Variants in WRN observed in about 807,000 individuals in gnomAD.
WRN encodes the protein bifunctional 3'-5' exonuclease/ATP-dependent helicase WRN.
WRN carries 149 observed loss-of-function variants against 180.7 expected under a neutral mutation model. That is an observed-to-expected ratio of 0.82 (90% CI 0.72 to 0.94). WRN has a LOEUF of 0.94. Ranked by LOEUF, WRN falls within the 40% of genes least tolerant of loss-of-function variation. The pLI is 0.00. For synonymous variants in WRN, 548 were observed against 568.9 expected (o/e 0.96, Z 0.52); for missense variants, 1,661 against 1,700.1 (o/e 0.98, Z 0.40).
chr8:31,172,368 G>A (rs562161036), intron 34 of WRN, among the ~76,000 whole-genome samples: 38 of 152,258 alleles, frequency 2.5e-4, no homozygotes, highest in African/African-American at 7.9e-4. Context: ...TGGCACGTGA[G>A]CTGCTGAAAT....
rs2130480787 is a variant in WRN at position 31,157,442 on chromosome 8, C to T, written c.3894C>T (p.Gly1298=). 1.9e-6 allele frequency: 3 copies of T among 1,614,148 alleles called. No individual in the cohort carries two copies. The highest frequency in any genetic ancestry group is 2.5e-6 in the Non-Finnish European group (3 of 1,180,028). ...GMHLSQAVKA[G]CPLDLERAGL... Reference sequence around the variant, plus strand: ...ACTTATCCCAAGCGGTGAAAGCTGGCTGCCCCCTTGATTTGGAGCGAGCAG... The same window carrying T: ...ACTTATCCCAAGCGGTGAAAGCTGGTTGCCCCCTTGATTTGGAGCGAGCAG... The change falls in exon 33 of 35, where the codon GGC becomes GGT. Residue 1298 remains glycine (G), a synonymous_variant. Coordinates refer to ENST00000298139, the MANE Select transcript of WRN (RefSeq NM_000553.6).
At chr8:31,145,255 A>G (rs1317547953) in intron 28 of WRN, among the ~76,000 whole-genome samples, 1 of 152,238 alleles carries the variant, frequency 6.6e-6, no homozygotes, top group African/African-American at 2.4e-5. Flanking sequence ...CCTGGCTTCA[A>G]AGCTTCAAAG....
intron 19 of WRN, among the ~76,000 whole-genome samples, chr8:31,115,917 T>G (rs1801499873): frequency 1.3e-5 from 2 of 152,328 alleles, no homozygotes; most frequent in Middle Eastern, 3.4e-3. Flanking sequence ...AGTAAACATT[T>G]AGAAACTCAG....
chr8:31,052,765 G>A (rs150873202), intron 1 of WRN, among the ~76,000 whole-genome samples: 1 of 152,176 alleles, frequency 6.6e-6, no homozygotes, highest in African/African-American at 2.4e-5. Context: ...TTTTATGGAT[G>A]TACCATACTT....
intron 1 of WRN, among the ~76,000 whole-genome samples, chr8:31,053,917 A>G (rs978065923): frequency 6.6e-6 from 1 of 152,250 alleles, no homozygotes; most frequent in East Asian, 1.9e-4. Flanking sequence ...TTAAATCATC[A>G]GAATAAATTA....
chr8:31,039,527 A>G (rs943497670), intron 1 of WRN, among the ~76,000 whole-genome samples: 5 of 152,114 alleles, frequency 3.3e-5, no homozygotes, highest in African/African-American at 1.2e-4. Flanking sequence ...CCTTTCCATT[A>G]TGGATGCCTT....
At chr8:31,085,798 G>A (rs1159749834) in intron 11 of WRN, among the ~76,000 whole-genome samples, 1 of 151,830 alleles carries the variant, frequency 6.6e-6, no homozygotes, top group Non-Finnish European at 1.5e-5. Flanking sequence ...TTACTTTCTT[G>A]TAATTTTTTC....
At chr8:31,137,484 A>C (rs1373266172) in intron 24 of WRN, among the ~76,000 whole-genome samples, 1 of 152,122 alleles carries the variant, frequency 6.6e-6, no homozygotes, top group Non-Finnish European at 1.5e-5. Flanking sequence ...CAAGTGTTCC[A>C]GGGAAGGAAA....
At chr8:31,104,910 G>A (rs986521141) in intron 18 of WRN, among the ~76,000 whole-genome samples, 3 of 152,188 alleles carry the variant, frequency 2.0e-5, no homozygotes, top group African/African-American at 7.2e-5. Flanking sequence ...AGGCAATGGT[G>A]CCTTCTGAGC....
At chr8:31,036,010 C>G (rs61026930) in intron 1 of WRN, among the ~76,000 whole-genome samples, 1 of 152,180 alleles carries the variant, frequency 6.6e-6, no homozygotes, top group Admixed American at 6.5e-5. Flanking sequence ...AGCCTCTCTT[C>G]ATTCCCACCA....
intron 19 of WRN, among the ~76,000 whole-genome samples, chr8:31,113,047 A>G (rs1216774938): frequency 6.6e-6 from 1 of 151,800 alleles, no homozygotes; most frequent in Non-Finnish European, 1.5e-5. Context: ...CTCTACAAAA[A>G]ATACAAAAAT....
At chr8:31,150,837 G>A (rs1022547084) in intron 31 of WRN, among the ~76,000 whole-genome samples, 2 of 152,200 alleles carry the variant, frequency 1.3e-5, no homozygotes, top group African/African-American at 4.8e-5. Context: ...TTTTGGTTTA[G>A]CATCTTCTCT....
chr8:31,085,380 A>G (rs866753782), intron 11 of WRN, 134 bp downstream of exon 11: 13 of 967,874 alleles, frequency 1.3e-5, no homozygotes, highest in Middle Eastern at 3.1e-4. Flanking sequence ...TAGATTTCAC[A>G]TTTTCCAATT....
At chr8:31,103,016 T>G (rs897441994) in intron 18 of WRN, among the ~76,000 whole-genome samples, 3 of 152,178 alleles carry the variant, frequency 2.0e-5, no homozygotes, top group Admixed American at 2.0e-4. Flanking sequence ...ATTATTTTTA[T>G]TTTTAAAACT....
At chr8:31,047,213 G>A (rs887751559) in intron 1 of WRN, among the ~76,000 whole-genome samples, 4 of 150,680 alleles carry the variant, frequency 2.7e-5, no homozygotes, top group African/African-American at 4.9e-5. Context: ...CAAGATCGTG[G>A]CTCACTGCAA....
Position 31,056,752 on chromosome 8 carries a change from A to T in WRN, c.-76-1620A>T, listed in dbSNP as rs75518994. Among the ~76,000 whole-genome samples the T allele has an allele frequency of 7.4e-3, 1,124 of 152,292 alleles. 16 individuals are homozygous for T. The highest frequency in any genetic ancestry group is 0.026 in the African/African-American group (1,083 of 41,552). On this transcript the variant is annotated intron_variant, in intron 1 of 34. Coordinates refer to ENST00000298139, the MANE Select transcript of WRN (RefSeq NM_000553.6). Reference sequence around the variant, plus strand: ...TCCTGTATTATTAATTATGTGGTTTATTTGACTACCCCACATTTTCAAGCA... The same window carrying T: ...TCCTGTATTATTAATTATGTGGTTTTTTTGACTACCCCACATTTTCAAGCA...
intron 34 of WRN, 102 bp downstream of exon 34, chr8:31,167,332 A>G: frequency 1.0e-6 from 1 of 957,496 alleles, no homozygotes; most frequent in Non-Finnish European, 1.6e-6. Context: ...GAATTCTGAT[A>G]TGATTACTTT....
At chr8:31,159,841 A>G (rs985651249) in intron 33 of WRN, among the ~76,000 whole-genome samples, 2 of 151,242 alleles carry the variant, frequency 1.3e-5, no homozygotes, top group Non-Finnish European at 2.9e-5. Context: ...GCTACTCAGG[A>G]GACTGAGGCA....
chr8:31,061,103 G>C (rs1812469219), intron 3 of WRN, among the ~76,000 whole-genome samples: 1 of 152,114 alleles, frequency 6.6e-6, no homozygotes, highest in East Asian at 1.9e-4. Flanking sequence ...AAGTTTGATT[G>C]CTTGATACTG....
Sources: allele counts gnomAD v4.1 joint callset (sites outside exome capture counted in the v4.1 genomes callset), GRCh38; gene constraint gnomAD v4.1.1; transcripts MANE v1.5; gene names NCBI Gene and HGNC (gene_info 2026-07-23, HGNC 2026-07-21).